FRMPD1: variants seen among roughly 807,000 people sequenced by gnomAD.
FRMPD1 encodes FERM and PDZ domain containing 1.
FRMPD1 carries 76 observed loss-of-function variants against 117.8 expected under a neutral mutation model. That is an observed-to-expected ratio of 0.65 (90% CI 0.54 to 0.78). The LOEUF is 0.78. Among genes scored for constraint, FRMPD1 ranks in the 30% least tolerant of loss-of-function variants. The pLI, the probability that FRMPD1 is intolerant of heterozygous loss-of-function variation, is 0.00. For synonymous variants in FRMPD1, 783 were observed against 770.4 expected (o/e 1.02, Z -0.27); for missense variants, 1,786 against 1,964.5 (o/e 0.91, Z 1.72).
chr9:37,696,379 T>C (rs1822324992), intron 2 of FRMPD1, among the ~76,000 whole-genome samples: 1 of 152,112 alleles, frequency 6.6e-6, no homozygotes, highest in Non-Finnish European at 1.5e-5. Context: ...CTTCCTCTCA[T>C]ATATGAGACC....
chr9:37,608,042 T>C, the FRMPD1 span, among the ~76,000 whole-genome samples: 3 of 152,352 alleles, frequency 2.0e-5, no homozygotes, highest in Non-Finnish European at 4.4e-5. Context: ...ATAACATCTA[T>C]AGCTATTGAA....
rs538800634 is a variant in FRMPD1 at position 37,739,296 on chromosome 9, A to G, written c.1550-782A>G. Among the ~76,000 whole-genome samples, 25 of 152,258 alleles carry G rather than the reference A, an allele frequency of 1.6e-4. No homozygotes were observed. In the East Asian group the frequency reaches 4.6e-3, roughly 28 times the overall value. On this transcript the variant is annotated intron_variant, in intron 14 of 15. Transcript: ENST00000377765. ...AAGGGCAACAAGGCCATACTGTGAG[A>G]GTCTGTAACTGTTGTGGGGGAGGCC...
intron 1 of FRMPD1, among the ~76,000 whole-genome samples, chr9:37,685,968 T>A (rs1821927180): frequency 6.6e-6 from 1 of 152,264 alleles, no homozygotes; most frequent in African/African-American, 2.4e-5. Flanking sequence ...TAATTGTCTG[T>A]TTGCATTTAA....
chr9:37,724,294 A>G lies in FRMPD1; in HGVS notation c.586A>G (p.Lys196Glu). 4.4e-6 allele frequency: 7 copies of G among 1,593,670 alleles called. No homozygotes were observed. The highest frequency in any genetic ancestry group is 6.0e-6 in the Non-Finnish European group (7 of 1,161,416). The part of the protein sequence containing the change: ...YLENGQTKAF[K>E]FEANTTVKDI... ...GGAGAATGGACAGACCAAAGCTTTC[A>G]AGTTTGAGGCAAACACAACCGTGAA... Residue 196 changes from lysine (K) to glutamate (E), a missense_variant, in exon 7 of 16, where the codon AAG (lysine) becomes GAG (glutamate). Coordinates refer to ENST00000377765, the MANE Select transcript of FRMPD1 (RefSeq NM_014907.3).
chr9:37,659,742 T>G (rs1190863197), intron 1 of FRMPD1, among the ~76,000 whole-genome samples: 1 of 151,860 alleles, frequency 6.6e-6, no homozygotes, highest in Non-Finnish European at 1.5e-5. Context: ...AAGGGCATAG[T>G]AGTATCATCT....
chr9:37,637,219 G>A, the FRMPD1 span: 34 of 1,611,058 alleles, frequency 2.1e-5, no homozygotes, highest in Non-Finnish European at 2.7e-5. Flanking sequence ...CAAACCGCAG[G>A]AGCAGGCATG....
At chr9:37,614,916 A>G in the FRMPD1 span, among the ~76,000 whole-genome samples, 1 of 152,218 alleles carries the variant, frequency 6.6e-6, no homozygotes, top group East Asian at 1.9e-4. Context: ...CTATAATTAG[A>G]TTGCTTGATA....
intron 1 of FRMPD1, among the ~76,000 whole-genome samples, chr9:37,686,084 A>G (rs1397082928): frequency 2.6e-5 from 4 of 152,208 alleles, no homozygotes; most frequent in East Asian, 1.9e-4. Context: ...ATTGTGTTCA[A>G]TTTGAGGGTC....
chr9:37,649,912 G>T (rs999368273), upstream of FRMPD1, among the ~76,000 whole-genome samples: 3 of 152,014 alleles, frequency 2.0e-5, no homozygotes, highest in South Asian at 2.1e-4. Context: ...AACCTGAAAG[G>T]CTCTCTCCAC....
chr9:37,649,550 T>C (rs2119345394), upstream of FRMPD1, among the ~76,000 whole-genome samples: 1 of 152,336 alleles, frequency 6.6e-6, no homozygotes, highest in African/African-American at 2.4e-5. Context: ...CTCAGGAGTT[T>C]CTGGATGGAC....
In FRMPD1 at chr9:37,746,317, T is replaced by C. The variant is rs772697991; in HGVS notation, c.4285T>C (p.Leu1429=). Residue 1429 remains leucine (L), a synonymous_variant, in exon 16 of 16, where the codon TTG becomes CTG. Coordinates refer to ENST00000377765, the MANE Select transcript of FRMPD1 (RefSeq NM_014907.3). ...GGGCTTCATCCAACTCATGGAGAGCTTGCTGGAGCTACAAGACATTTTAGA... is the reference window on the plus strand; with the variant it reads ...GGGCTTCATCCAACTCATGGAGAGCCTGCTGGAGCTACAAGACATTTTAGA... ...PEGFIQLMES[L]LELQDILETS... 12 of 1,612,844 alleles carry C rather than the reference T, an allele frequency of 7.4e-6. 1 individual carries two copies. In the South Asian group the frequency reaches 1.3e-4, roughly 18 times the overall value.
Position 37,740,211 on chromosome 9 carries a change from G to A in FRMPD1, c.1683G>A (p.Gly561=), listed in dbSNP as rs750197747. 11 of 1,613,808 alleles carry A rather than the reference G, an allele frequency of 6.8e-6. No homozygotes were observed. Among genetic ancestry groups the A allele is most frequent in the African/African-American group, 1.3e-5 (1 of 74,896 alleles). Residue 561 remains glycine, a synonymous_variant, in exon 15 of 16, where the codon GGG becomes GGA. Transcript: ENST00000377765. This position sits in a 1 kb window ranked among gnomAD's most constrained non-coding sequence, Gnocchi z 4.2. ...TCATAAAGGAGGAGCAGCCTCCTGG[G>A]AACAGCCCCACACCTGAGGTGGCTA... ...RSLIKEEQPP[G]NSPTPEVARR...
the FRMPD1 span, among the ~76,000 whole-genome samples, chr9:37,617,822 T>G: frequency 6.6e-6 from 1 of 152,288 alleles, no homozygotes; most frequent in South Asian, 2.1e-4. Flanking sequence ...CTTCCTACTT[T>G]CCTAAAAAGG....
chr9:37,701,553 G>A (rs1029703616), intron 2 of FRMPD1, among the ~76,000 whole-genome samples: 1 of 151,060 alleles, frequency 6.6e-6, no homozygotes, highest in Admixed American at 6.6e-5. Context: ...TTTGGAGGCA[G>A]GTGAGTTATT....
At chr9:37,707,267 T>C in intron 2 of FRMPD1, 149 bp from the exon 3 acceptor site, 1 of 605,356 alleles carries the variant, frequency 1.7e-6, no homozygotes, top group Non-Finnish European at 2.9e-6. Flanking sequence ...TAAGTTCTGC[T>C]AGTGGAGTTG....
At chr9:37,610,141 C>T in the FRMPD1 span, among the ~76,000 whole-genome samples, 2 of 152,226 alleles carry the variant, frequency 1.3e-5, no homozygotes, top group African/African-American at 4.8e-5. Context: ...AGAATGTCAG[C>T]TCCATGAATG....
upstream of FRMPD1, among the ~76,000 whole-genome samples, chr9:37,648,968 G>A (rs1176078590): frequency 6.6e-6 from 1 of 152,022 alleles, no homozygotes; most frequent in Non-Finnish European, 1.5e-5. Context: ...GGGACATGAG[G>A]GCAATGGTAA....
chr9:37,675,105 C>G (rs187523512), intron 1 of FRMPD1, among the ~76,000 whole-genome samples: 1 of 152,070 alleles, frequency 6.6e-6, no homozygotes, highest in African/African-American at 2.4e-5. Context: ...GCAGGGAGAC[C>G]GGGTGCTACA....
chr9:37,615,924 T>C, the FRMPD1 span, among the ~76,000 whole-genome samples: 2 of 151,404 alleles, frequency 1.3e-5, no homozygotes, highest in African/African-American at 4.9e-5. Flanking sequence ...GCAATTCTTA[T>C]GCCTCAGCCT....
Sources: gnomAD v4.1 joint callset for allele counts (sites outside exome capture counted in the v4.1 genomes callset) on GRCh38, gnomAD v4.1.1 for gene constraint, Gnocchi (gnomAD v3.1) non-coding constraint, MANE v1.5 for transcripts, NCBI Gene and HGNC (gene_info 2026-07-23, HGNC 2026-07-21) for gene names.